KLF8: variants seen among roughly 807,000 people sequenced by gnomAD.
The protein encoded by KLF8 is Krueppel-like factor 8.
In KLF8, 10 loss-of-function variants were observed where a neutral mutation model predicts 18.2. The ratio of observed to expected loss-of-function variants is 0.55; its 90% CI spans 0.34 to 0.93. The LOEUF (loss-of-function observed/expected upper bound fraction) is 0.93. Ranked by LOEUF, KLF8 falls within the 40% of genes least tolerant of loss-of-function variation. The pLI is 0.02. For missense variants in KLF8, 264 were observed against 277.9 expected (o/e 0.95, Z 0.36); for synonymous variants, 109 against 97.3 (o/e 1.12, Z -0.71).
At chrX:56,215,116 AC>A in the KLF8 span, among the ~76,000 whole-genome samples, 1 of 111,943 alleles carries the variant, frequency 8.9e-6, no homozygotes, top group East Asian at 2.8e-4. Flanking sequence ...ACCAAATAAG[AC>A]GCATCTCATA....
the KLF8 span, among the ~76,000 whole-genome samples, chrX:56,135,100 G>A: frequency 9.0e-6 from 1 of 111,660 alleles, no homozygotes; most frequent in South Asian, 3.8e-4. Flanking sequence ...TACACTGTTG[G>A]TGGGACTGGA....
chrX:56,191,547 C>A, the KLF8 span, among the ~76,000 whole-genome samples: 3 of 111,430 alleles, frequency 2.7e-5, no homozygotes, highest in Admixed American at 9.5e-5. Flanking sequence ...TGCAAAAATT[C>A]TCTAGAAAAT....
chrX:56,188,172 A>G, the KLF8 span, among the ~76,000 whole-genome samples: 811 of 111,698 alleles, frequency 7.3e-3, 5 homozygotes, highest in African/African-American at 0.025. Flanking sequence ...CAACTTCAGC[A>G]AAGTCTCAGG....
chrX:56,136,800 C>G, the KLF8 span, among the ~76,000 whole-genome samples: 1 of 110,221 alleles, frequency 9.1e-6, no homozygotes, highest in Non-Finnish European at 1.9e-5. Context: ...AAGAAACTAC[C>G]ATCAGAGTGA....
chrX:56,272,081 A>G (rs191853984), intron 5 of KLF8, among the ~76,000 whole-genome samples: 1 of 111,707 alleles, frequency 9.0e-6, no homozygotes, highest in East Asian at 2.8e-4. Flanking sequence ...TTCCCATATG[A>G]AGGGAAAAAA....
intron 5 of KLF8, among the ~76,000 whole-genome samples, chrX:56,281,989 A>G (rs2067207914): frequency 8.9e-6 from 1 of 112,408 alleles, no homozygotes; most frequent in African/African-American, 3.2e-5. Context: ...ACTGCCTTAC[A>G]AGTCAAATTT....
At chrX:55,986,425 A>G in the KLF8 span, among the ~76,000 whole-genome samples, 1 of 112,325 alleles carries the variant, frequency 8.9e-6, no homozygotes, top group Non-Finnish European at 1.9e-5. Flanking sequence ...TATGTGAGGA[A>G]TTACATTTAT....
At chrX:55,937,092 AC>A in the KLF8 span, among the ~76,000 whole-genome samples, 3 of 111,222 alleles carry the variant, frequency 2.7e-5, no homozygotes, top group African/African-American at 9.8e-5. Flanking sequence ...TGGGTCCCTG[AC>A]CCCTGAGTAG....
At chrX:55,977,634 C>T in the KLF8 span, among the ~76,000 whole-genome samples, 1 of 111,045 alleles carries the variant, frequency 9.0e-6, no homozygotes, top group Non-Finnish European at 1.9e-5. Flanking sequence ...ACTCCTATTC[C>T]GCCGTCTTGC....
chrX:56,130,463 C>T, the KLF8 span, among the ~76,000 whole-genome samples: 1 of 111,837 alleles, frequency 8.9e-6, no homozygotes, highest in African/African-American at 3.3e-5. Context: ...GAGAGTACTA[C>T]ATCAAGGGAG....
chrX:56,072,625 T>G, the KLF8 span, among the ~76,000 whole-genome samples: 3 of 111,927 alleles, frequency 2.7e-5, no homozygotes, highest in Non-Finnish European at 5.7e-5. Context: ...TAATACAGAC[T>G]TCTAAATTGA....
the KLF8 span, among the ~76,000 whole-genome samples, chrX:56,177,299 C>G: frequency 9.0e-6 from 1 of 110,560 alleles, no homozygotes; most frequent in Admixed American, 9.8e-5. Context: ...GTCCTTTCTG[C>G]TTGTTAGTTT....
intron 2 of KLF8, among the ~76,000 whole-genome samples, chrX:56,253,231 C>T (rs1375251997): frequency 9.0e-6 from 1 of 111,659 alleles, no homozygotes; most frequent in African/African-American, 3.3e-5. Flanking sequence ...CCCATTTGTT[C>T]CTGTTTGCTT....
chrX:56,171,432 G>A, the KLF8 span, among the ~76,000 whole-genome samples: 1 of 111,368 alleles, frequency 9.0e-6, no homozygotes, highest in East Asian at 2.8e-4. Flanking sequence ...GTGCAGGTTT[G>A]TTACATATGT....
chrX:55,957,399 T>G, the KLF8 span, among the ~76,000 whole-genome samples: 2 of 112,097 alleles, frequency 1.8e-5, no homozygotes, highest in Non-Finnish European at 3.8e-5. Flanking sequence ...ACATGAATTT[T>G]AGGAAGAATT....
At chrX:55,931,417 TG>T in the KLF8 span, among the ~76,000 whole-genome samples, 2 of 111,634 alleles carry the variant, frequency 1.8e-5, no homozygotes, top group Admixed American at 1.9e-4. Context: ...TTCCAGCTTT[TG>T]TATTTGTTTG....
the KLF8 span, among the ~76,000 whole-genome samples, chrX:56,040,033 T>G: frequency 9.0e-6 from 1 of 111,105 alleles, no homozygotes; most frequent in East Asian, 2.8e-4. Flanking sequence ...GCTTGCCTGT[T>G]ATTGGTGCAT....
At chrX:56,181,841 G>T in the KLF8 span, among the ~76,000 whole-genome samples, 1 of 104,555 alleles carries the variant, frequency 9.6e-6, no homozygotes, top group African/African-American at 3.8e-5. Context: ...CAGTCAGTCT[G>T]ATTAGCTTCC....
chrX:56,110,380 A>T, the KLF8 span, among the ~76,000 whole-genome samples: 1 of 111,813 alleles, frequency 8.9e-6, no homozygotes, highest in Non-Finnish European at 1.9e-5. Flanking sequence ...GTCTATTGCG[A>T]ATATCATATA....
Sources: gnomAD v4.1 joint callset for allele counts (sites outside exome capture counted in the v4.1 genomes callset) on GRCh38, gnomAD v4.1.1 for gene constraint, MANE v1.5 for transcripts, NCBI Gene and HGNC (gene_info 2026-07-23, HGNC 2026-07-21) for gene names.